Variants in SETD1B observed in about 807,000 individuals in gnomAD.
The protein encoded by SETD1B is histone-lysine N-methyltransferase SETD1B.
Under a neutral mutation model 148.0 loss-of-function variants are expected in SETD1B, and 7 were observed. The observed-to-expected ratio is 0.05, with a 90% CI of 0.03 to 0.09. The LOEUF (loss-of-function observed/expected upper bound fraction) is 0.09. SETD1B is among the 10% of genes least tolerant of loss of function. The probability of loss-of-function intolerance (pLI) is 1.00; values close to 1 mark genes in which losing one functional copy is unlikely to be tolerated. For synonymous variants in SETD1B, 1,361 were observed against 1,186.5 expected (o/e 1.15, Z -3.02); for missense variants, 2,155 against 2,729.9 (o/e 0.79, Z 4.69).
Position 121,822,822 on chromosome 12 carries a change from C to A in SETD1B, c.4243C>A (p.Pro1415Thr), listed in dbSNP as rs201048316. 1,530 of 1,500,800 alleles carry A rather than the reference C, an allele frequency of 1.0e-3. 1 individual carries two copies. The highest frequency in any genetic ancestry group is 1.2e-3 in the Non-Finnish European group (1,320 of 1,119,074). The allele number at this position is 1,500,800 out of a possible 1,614,324, so 93.0% of individuals were successfully genotyped here. A position where few individuals can be genotyped will look rare whatever the true frequency, so the allele number is the denominator to read the frequency against. The stretch of plus-strand genomic sequence containing the variant: ...CCCCTTCTCCTACCCAGCCCCGTCC[C>A]CTAGCTTGAGCAGTGGGGGCCTCCC... ...GSPFSYPAPS[P>T]SLSSGGLPRT... Residue 1415 changes from proline to threonine, a missense_variant, in exon 12 of 17, where the codon CCT (proline) becomes ACT (threonine). By Grantham distance (38) the Pro-to-Thr change is conservative. This residue lies in a region of SETD1B where 862 missense variants were observed against 873.8 expected (regional missense o/e 0.99). Coordinates refer to ENST00000604567, the MANE Select transcript of SETD1B (RefSeq NM_001353345.2).
chr12:121,827,353 A>C (rs750170878), intron 13 of SETD1B, among the ~76,000 whole-genome samples, 166 bp from the exon 14 acceptor site: 60 of 152,082 alleles, frequency 3.9e-4, no homozygotes, highest in Middle Eastern at 3.2e-3. Flanking sequence ...TCAGATACTG[A>C]TGGGATGGAG....
upstream of SETD1B, chr12:121,799,737 GGGGC>G: frequency 8.1e-6 from 1 of 123,626 alleles, no homozygotes; most frequent in Non-Finnish European, 1.8e-5. Flanking sequence ...GGGGTGGGGT[GGGGC>G]GGGGCCGCAG....
At chr12:121,791,743 C>T in the SETD1B span, among the ~76,000 whole-genome samples, 711 of 152,320 alleles carry the variant, frequency 4.7e-3, 5 homozygotes, top group Middle Eastern at 0.01. Context: ...CAGTGAACCC[C>T]GGGACCTGAT....
chr12:121,825,256 G>A lies in SETD1B; in HGVS notation c.5227G>A (p.Val1743Met), dbSNP rs1448216581. The change falls in exon 13 of 17, where the codon GTG (valine) becomes ATG (methionine). Residue 1743 changes from valine (V) to methionine (M), a missense_variant. Around this residue, in one of 11 missense-constraint regions of SETD1B, gnomAD observed 96 missense variants for 148.7 expected, o/e 0.65. Coordinates refer to ENST00000604567, the MANE Select transcript of SETD1B (RefSeq NM_001353345.2). ...KKRDDGIREH[V>M]TGCARSEGFY... is the part of the protein sequence containing the mutation. ...ACGGGACGATGGCATCCGCGAGCAC[G>A]TGACGGGCTGTGCCCGCAGTGAGGG... The A allele has an allele frequency of 3.2e-6, 5 of 1,551,798 alleles. No homozygotes were observed. Among genetic ancestry groups the A allele is most frequent in the Non-Finnish European group, 4.4e-6 (5 of 1,147,046 alleles).
chr12:121,825,372 G>A lies in SETD1B; in HGVS notation c.5337+6G>A, dbSNP rs929708206. On this transcript the variant is annotated splice_donor_region_variant and intron_variant, in intron 13 of 16. Transcript: ENST00000604567. The stretch of plus-strand genomic sequence containing the variant: ...AGCCCCCCGCAGACACCCAGGTACT[G>A]CCAGGGCTCCTGGACACATCAGAGC... The A allele has an allele frequency of 1.9e-6, 3 of 1,547,988 alleles. No homozygotes were observed. The highest frequency in any genetic ancestry group is 1.7e-6 in the Non-Finnish European group (2 of 1,146,872).
chr12:121,828,685 T>C (rs2137591281), intron 16 of SETD1B, among the ~76,000 whole-genome samples: 1 of 152,350 alleles, frequency 6.6e-6, no homozygotes, highest in South Asian at 2.1e-4. Flanking sequence ...GAGGCAGGCA[T>C]GTTCCGGGGT....
In SETD1B at chr12:121,809,674, C is replaced by G; in HGVS notation, c.729C>G (p.Val243=). Residue 243 remains valine (V), a synonymous_variant, in exon 6 of 17, where the codon GTC becomes GTG. Transcript: ENST00000604567. ...GCTGTGGCTCCGGCTCCTCCTCTGT[C>G]ACCCCCAATAGCGGTGGGACACCCT... The part of the protein sequence containing the change: ...SAGCGSGSSS[V]TPNSGGTPFS... 1 of 1,551,672 alleles carries G rather than the reference C, an allele frequency of 6.4e-7. No homozygotes were observed. Among genetic ancestry groups the G allele is most frequent in the Non-Finnish European group, 8.7e-7 (1 of 1,146,994 alleles).
chr12:121,801,062 G>C (rs963643104), upstream of SETD1B: 1 of 152,234 alleles, frequency 6.6e-6, no homozygotes. Context: ...GAGGACAGCA[G>C]CTCCGGGCTG....
chr12:121,829,179 C>T (rs1032657876), intron 16 of SETD1B, among the ~76,000 whole-genome samples: 3 of 152,118 alleles, frequency 2.0e-5, no homozygotes, highest in Admixed American at 2.0e-4. Flanking sequence ...AAGGTTGGAG[C>T]CATCGGGCAA....
chr12:121,797,539 G>A, the SETD1B span: 4 of 456,546 alleles, frequency 8.8e-6, no homozygotes, highest in South Asian at 1.5e-5. Flanking sequence ...GGTGGGTCCC[G>A]ACACCGTGCC....
rs369810057 is a variant in SETD1B at position 121,823,683 on chromosome 12, G to C, written c.5104G>C (p.Glu1702Gln). 6.4e-7 allele frequency: 1 copy of C among 1,551,566 alleles called. No individual in the cohort carries two copies. Among genetic ancestry groups the C allele is most frequent in the Non-Finnish European group, 8.7e-7 (1 of 1,146,990 alleles). Residue 1702 changes from glutamate (E) to glutamine (Q), a missense_variant, in exon 12 of 17, where the codon GAG (glutamate) becomes CAG (glutamine). Physicochemically the swap from Glu to Gln is conservative, Grantham distance 29. Around this residue, in one of 11 missense-constraint regions of SETD1B, gnomAD observed 96 missense variants for 148.7 expected, o/e 0.65. Coordinates refer to ENST00000604567, the MANE Select transcript of SETD1B (RefSeq NM_001353345.2). ...CATCCGCTTCCTGTGTGTCACCTAC[G>C]AGCGACTGCTACAGCAGGACAATGG... ...EDIRFLCVTY[E>Q]RLLQQDNGMD...
At position 121,804,777 on chromosome 12, in the gene SETD1B, C is replaced by T. The variant is rs1326516333; in HGVS notation, c.40C>T (p.Pro14Ser). ...SHPPHHHHQQ[P>S]PPQPGPSGER... ...CCCCCCCCACCACCACCACCAGCAG[C>T]CCCCGCCGCAGCCCGGCCCTTCGGG... The change falls in exon 2 of 17, where the codon CCC becomes TCC. Residue 14 changes from proline to serine, a missense_variant. Transcript: ENST00000604567. The surrounding 1 kb of genome is among the most constrained non-coding windows in gnomAD (Gnocchi z 4.6). 3 of 1,550,666 alleles carry T rather than the reference C, an allele frequency of 1.9e-6. No homozygotes were observed. Among genetic ancestry groups the T allele is most frequent in the South Asian group, 2.4e-5 (2 of 83,964 alleles).
chr12:121,825,483 C>T, intron 13 of SETD1B, 117 bp downstream of exon 13: 1 of 614,016 alleles, frequency 1.6e-6, no homozygotes. Context: ...GGGGCTGGCA[C>T]ACAGAGGGTG....
Position 121,817,185 on chromosome 12 carries a change from C to G in SETD1B, c.2868C>G (p.Ala956=). 1 of 1,550,226 alleles carries G rather than the reference C, an allele frequency of 6.5e-7. No individual in the cohort carries two copies. The highest frequency in any genetic ancestry group is 1.4e-5 in the African/African-American group (1 of 73,174). Residue 956 remains alanine, a synonymous_variant, in exon 8 of 17, where the codon GCC becomes GCG. Coordinates refer to ENST00000604567, the MANE Select transcript of SETD1B (RefSeq NM_001353345.2). This position sits in a 1 kb window ranked among gnomAD's most constrained non-coding sequence, Gnocchi z 8.1. ...GCCTGGGCATTGGGCTGCGTGGGGC[C>G]ATTCGCCTGCCCTCCTTCAAGGTCA... ...GLGLGIGLRG[A]IRLPSFKVKR... is the part of the protein sequence containing the mutation.
In SETD1B at chr12:121,805,688, AAT is replaced by A. The variant is rs1491430428; in HGVS notation, c.274-146_274-145del. Reference sequence around the variant, plus strand: ...GCGTGCATTTTTTTTTTCCAAAAAAAATTTTTTTTTTTTTTTTAATTTTTAGT... The same window carrying A: ...GCGTGCATTTTTTTTTTCCAAAAAAATTTTTTTTTTTTTTTAATTTTTAGT... On this transcript the variant is annotated intron_variant, in intron 3 of 16. Coordinates refer to ENST00000604567, the MANE Select transcript of SETD1B (RefSeq NM_001353345.2). The surrounding 1 kb of genome is among the most constrained non-coding windows in gnomAD (Gnocchi z 4.2). 1,931 of 666,016 alleles carry A rather than the reference AAT, an allele frequency of 2.9e-3. 9 individuals are homozygous for A. Among genetic ancestry groups the A allele is most frequent in the East Asian group, 4.4e-3 (118 of 26,646 alleles). The allele number at this position is 666,016 out of a possible 1,614,324, so 41.3% of individuals were successfully genotyped here. A position where few individuals can be genotyped will look rare whatever the true frequency, so the allele number is the denominator to read the frequency against.
In SETD1B at chr12:121,804,288, C is replaced by G. The variant is rs1404885021; in HGVS notation, c.-15+55C>G. 1 of 146,206 alleles carries G rather than the reference C, an allele frequency of 6.8e-6. No individual in the cohort carries two copies. The highest frequency in any genetic ancestry group is 6.8e-5 in the Admixed American group (1 of 14,756). 9.1% of individuals were successfully genotyped at this position (146,206 alleles called of 1,614,324 possible). ...CGGCCGGCAGCCGGGCGGCCCAAGC[C>G]CCCGGCCCCGGCCCTGGCCCGAGCG... On this transcript the variant is annotated intron_variant, in intron 1 of 16. Coordinates refer to ENST00000604567, the MANE Select transcript of SETD1B (RefSeq NM_001353345.2). This position sits in a 1 kb window ranked among gnomAD's most constrained non-coding sequence, Gnocchi z 4.6.
At chr12:121,794,526 TAACCC>T in the SETD1B span, among the ~76,000 whole-genome samples, 4 of 152,208 alleles carry the variant, frequency 2.6e-5, no homozygotes, top group Admixed American at 1.3e-4. Flanking sequence ...TGGAGACTGA[TAACCC>T]CACACCCACC....
chr12:121,811,982 G>A (rs1228764455), intron 6 of SETD1B, among the ~76,000 whole-genome samples: 3 of 152,202 alleles, frequency 2.0e-5, no homozygotes, highest in Non-Finnish European at 4.4e-5. Flanking sequence ...TAGGCTGCCT[G>A]GGGTGAGGAG....
At chr12:121,793,209 T>A in the SETD1B span, 1 of 1,550,936 alleles carries the variant, frequency 6.4e-7, no homozygotes, top group Non-Finnish European at 8.7e-7. Context: ...ACGCTGGCCG[T>A]GTACTTCTCG....
Sources: allele counts gnomAD v4.1 joint callset (sites outside exome capture counted in the v4.1 genomes callset), GRCh38; gene constraint gnomAD v4.1.1; regional missense constraint gnomAD v4.1.1; non-coding constraint Gnocchi (gnomAD v3.1); transcripts MANE v1.5; gene names NCBI Gene and HGNC (gene_info 2026-07-23, HGNC 2026-07-21).